Variants in DDX25 observed in about 807,000 individuals in gnomAD.
DDX25 encodes the protein ATP-dependent RNA helicase DDX25.
DDX25 carries 70 observed loss-of-function variants against 64.6 expected under a neutral mutation model. That is an observed-to-expected ratio of 1.08 (90% CI 0.89 to 1.32). DDX25 has a LOEUF of 1.32. Ranked by LOEUF, DDX25 falls within the 40% of genes most tolerant of loss-of-function variation. The pLI is 0.00. For missense variants in DDX25, 587 were observed against 604.4 expected (o/e 0.97, Z 0.30); for synonymous variants, 211 against 213.3 (o/e 0.99, Z 0.09).
At chr11:125,908,357 C>T (rs957108300) in intron 5 of DDX25, 44 bp from the exon 6 acceptor site, 2 of 1,613,132 alleles carry the variant, frequency 1.2e-6, no homozygotes, top group Admixed American at 3.3e-5. Context: ...TATGCCCACT[C>T]TCTTGTATTC....
chr11:125,918,745 GA>G lies in DDX25; in HGVS notation c.1157del (p.Asp386ValfsTer8). 1 of 1,608,516 alleles carries G rather than the reference GA, an allele frequency of 6.2e-7. No individual in the cohort carries two copies. The highest frequency in any genetic ancestry group is 1.6e-4 in the Middle Eastern group (1 of 6,062). ...AGCTTCCATCATTCAGAGGTTTCGG[GA>G]TGGGAAAGAGAAGGTTCTCATAACA... ...QRASIIQRFR[D>X]GKEKVLITTN... On this transcript the variant is annotated frameshift_variant, in exon 10 of 12. Transcript: ENST00000263576. LOFTEE classifies it high-confidence loss of function.
intron 4 of DDX25, among the ~76,000 whole-genome samples, chr11:125,907,363 C>T (rs1256914527): frequency 6.6e-6 from 1 of 152,170 alleles, no homozygotes; most frequent in Non-Finnish European, 1.5e-5. Context: ...AATCCCAGCA[C>T]TTTGGGAGGC....
At chr11:125,914,245 C>G (rs1392479413) in intron 8 of DDX25, among the ~76,000 whole-genome samples, 1 of 152,212 alleles carries the variant, frequency 6.6e-6, no homozygotes, top group Non-Finnish European at 1.5e-5. Context: ...ACGGACAGCT[C>G]TGTGTGCATG....
In DDX25 at chr11:125,905,592, A is replaced by T; in HGVS notation, c.170A>T (p.Asp57Val). ...AACATCAATGAAGATGATGAAGAAG[A>T]TGTAGGTAGGAGATGAATTCATTTG... is the stretch of plus-strand genomic sequence containing the variant. ...INNINEDDEE[D>V]VVDLAANSLL... Residue 57 changes from aspartate (D) to valine (V), a missense_variant, in exon 3 of 12, where the codon GAT becomes GTT. Physicochemically the swap from Asp to Val is radical, Grantham distance 152 (BLOSUM62 -3). Coordinates refer to ENST00000263576, the MANE Select transcript of DDX25 (RefSeq NM_013264.5). 6.4e-7 allele frequency: 1 copy of T among 1,551,646 alleles called. No individual in the cohort carries two copies. The highest frequency in any genetic ancestry group is 8.7e-7 in the Non-Finnish European group (1 of 1,146,796).
At chr11:125,911,544 ATTTGT>A in intron 8 of DDX25, 56 bp downstream of exon 8, 2 of 1,519,768 alleles carry the variant, frequency 1.3e-6, no homozygotes, top group Non-Finnish European at 1.8e-6. Flanking sequence ...GGGGAATTTC[ATTTGT>A]TTACTCCTCC....
At position 125,922,904 on chromosome 11, in the gene DDX25, C is replaced by A; in HGVS notation, c.*23C>A. 6.3e-7 allele frequency: 1 copy of A among 1,589,700 alleles called. No individual in the cohort carries two copies. Among genetic ancestry groups the A allele is most frequent in the South Asian group, 1.1e-5 (1 of 87,346 alleles). On this transcript the variant is annotated 3_prime_UTR_variant, in exon 12 of 12. Coordinates refer to ENST00000263576, the MANE Select transcript of DDX25 (RefSeq NM_013264.5). The stretch of plus-strand genomic sequence containing the variant: ...TGAAGAAAGAACTTTATTGTTTGTG[C>A]AGTATCCTAGTTTATGTGAGAATGT...
At chr11:125,905,668 G>T (rs1944873607) in intron 3 of DDX25, 71 bp downstream of exon 3, 6 of 1,426,856 alleles carry the variant, frequency 4.2e-6, no homozygotes, top group East Asian at 2.5e-5. Context: ...TAGTGTGAGT[G>T]AATAATATAA....
chr11:125,907,574 C>G (rs963877946), intron 4 of DDX25, among the ~76,000 whole-genome samples: 8 of 151,954 alleles, frequency 5.3e-5, no homozygotes, highest in East Asian at 1.9e-4. Flanking sequence ...CGCCACTGCA[C>G]TCCAGCCTGG....
intron 10 of DDX25, chr11:125,920,919 TACACACACACACACACACACACAC>T (rs3034729): frequency 3.8e-5 from 10 of 265,174 alleles, no homozygotes; most frequent in Non-Finnish European, 2.9e-5. Context: ...CACACACACA[TACACACACACACACACACACACAC>T]ACACACACAC....
Position 125,910,021 on chromosome 11 carries a change from G to A in DDX25, c.508-343G>A, listed in dbSNP as rs510215. On this transcript the variant is annotated intron_variant, in intron 6 of 11. Coordinates refer to ENST00000263576, the MANE Select transcript of DDX25 (RefSeq NM_013264.5). ...TAGAGCTCGAACTGTAATTTGCCTC[G>A]CATTCATTGATTCCCAGCTTCCCTA... Among the ~76,000 whole-genome samples the A allele has an allele frequency of 0.24, 36,830 of 151,854 alleles. 4,591 individuals carry two copies. The highest frequency in any genetic ancestry group is 0.33 in the East Asian group (1,696 of 5,142).
chr11:125,906,705 A>G (rs1191465104), intron 4 of DDX25, among the ~76,000 whole-genome samples: 2 of 151,296 alleles, frequency 1.3e-5, no homozygotes, highest in East Asian at 3.9e-4. Context: ...GCGCACCTGT[A>G]ATCCCAGCTA....
rs1420056444 is a variant in DDX25 at position 125,927,437 on chromosome 11, T to A, written c.*4556T>A. On this transcript the variant is annotated 3_prime_UTR_variant, in exon 12 of 12. Coordinates refer to ENST00000263576, the MANE Select transcript of DDX25 (RefSeq NM_013264.5). ...GAAGAACTGAAAGTTTTCATAAGTC[T>A]CTAGAGAAGCGTGGCAACTATCTGT... is the stretch of plus-strand genomic sequence containing the variant. 1 of 152,258 alleles carries A rather than the reference T, an allele frequency of 6.6e-6. No homozygotes were observed. The highest frequency in any genetic ancestry group is 1.5e-5 in the Non-Finnish European group (1 of 68,050). 9.4% of individuals were successfully genotyped at this position (152,258 alleles called of 1,614,324 possible). A position where few individuals can be genotyped will look rare whatever the true frequency, so the allele number is the denominator to read the frequency against.
Position 125,923,801 on chromosome 11 carries a change from G to A in DDX25, c.*920G>A, listed in dbSNP as rs557819830. ...CCCCCAGAAAGCCGGAGCGGATCTT[G>A]TAACCAGAGCGCCGGTACCAGCTCT... is the stretch of plus-strand genomic sequence containing the variant. On this transcript the variant is annotated 3_prime_UTR_variant, in exon 12 of 12. Coordinates refer to ENST00000263576, the MANE Select transcript of DDX25 (RefSeq NM_013264.5). The A allele has an allele frequency of 3.5e-4, 54 of 152,302 alleles. No homozygotes were observed. The highest frequency in any genetic ancestry group is 1.3e-3 in the African/African-American group (54 of 41,568). 9.4% of individuals were successfully genotyped at this position (152,302 alleles called of 1,614,324 possible).
At chr11:125,920,955 C>CA in intron 10 of DDX25, 8 of 504,932 alleles carry the variant, frequency 1.6e-5, no homozygotes, top group South Asian at 7.9e-5. Flanking sequence ...CACACACACG[C>CA]CTTGTGTATA....
Position 125,925,547 on chromosome 11 carries a change from GTAGA to G in DDX25, c.*2671_*2674del, listed in dbSNP as rs1945159382. On this transcript the variant is annotated 3_prime_UTR_variant, in exon 12 of 12. Transcript: ENST00000263576. The stretch of plus-strand genomic sequence containing the variant: ...CTCTCAGTGCCTGCCTGAGGACAGA[GTAGA>G]TAGAGAGGCAAGGAAACACCAGGTG... 2.3e-6 allele frequency: 1 copy of G among 440,158 alleles called. No homozygotes were observed. Among genetic ancestry groups the G allele is most frequent in the Non-Finnish European group, 4.7e-6 (1 of 214,372 alleles). 27.3% of individuals were successfully genotyped at this position (440,158 alleles called of 1,614,324 possible).
rs1945158320 is a variant in DDX25, at chr11:125,925,424, G to A, written c.*2543G>A. 2.2e-6 allele frequency: 1 copy of A among 456,168 alleles called. No individual in the cohort carries two copies. Among genetic ancestry groups the A allele is most frequent in the Non-Finnish European group, 4.4e-6 (1 of 226,978 alleles). The allele number at this position is 456,168 out of a possible 1,614,324, so 28.3% of individuals were successfully genotyped here. Reference sequence around the variant, plus strand: ...ATTAACACGAACTGGCTAGTTTGGTGAGTCAACAATCCAAAGGCTGTTTTT... The same window carrying A: ...ATTAACACGAACTGGCTAGTTTGGTAAGTCAACAATCCAAAGGCTGTTTTT... On this transcript the variant is annotated 3_prime_UTR_variant, in exon 12 of 12. Transcript: ENST00000263576.
Position 125,910,439 on chromosome 11 carries a change from G to A in DDX25, c.583G>A (p.Val195Met), listed in dbSNP as rs769737914. The part of the protein sequence containing the change: ...RVVEQMGKFC[V>M]DVQVMYAIRG... Reference sequence around the variant, plus strand: ...GGTTGAGCAGATGGGAAAATTCTGTGTGGATGTTCAAGTGATGTATGCCAT... The same window carrying A: ...GGTTGAGCAGATGGGAAAATTCTGTATGGATGTTCAAGTGATGTATGCCAT... Residue 195 changes from valine (V) to methionine (M), a missense_variant, in exon 7 of 12, where the codon GTG becomes ATG. Physicochemically the swap from Val to Met is conservative, Grantham distance 21. Coordinates refer to ENST00000263576, the MANE Select transcript of DDX25 (RefSeq NM_013264.5). 14 of 1,613,876 alleles carry A rather than the reference G, an allele frequency of 8.7e-6. No homozygotes were observed. Among genetic ancestry groups the A allele is most frequent in the Non-Finnish European group, 1.2e-5 (14 of 1,179,894 alleles).
Position 125,908,503 on chromosome 11 carries a change from G to T in DDX25, c.507G>T (p.Gln169His), listed in dbSNP as rs941423323. 6.2e-7 allele frequency: 1 copy of T among 1,612,988 alleles called. No individual in the cohort carries two copies. Among genetic ancestry groups the T allele is most frequent in the Non-Finnish European group, 8.5e-7 (1 of 1,179,862 alleles). ...SRVNALELFP[Q>H]CLCLAPTYEL... is the part of the protein sequence containing the mutation. ...TTAATGCCTTGGAATTGTTCCCACA[G>T]GTAAGGGAAGGCTGAGAGAAGACTG... The change falls in exon 6 of 12, where the codon CAG (glutamine) becomes CAT (histidine). Residue 169 changes from glutamine (Q) to histidine (H), a missense_variant and splice_region_variant. Coordinates refer to ENST00000263576, the MANE Select transcript of DDX25 (RefSeq NM_013264.5).
At position 125,925,710 on chromosome 11, in the gene DDX25, G is replaced by A; in HGVS notation, c.*2829G>A. 3.4e-6 allele frequency: 1 copy of A among 292,958 alleles called. No homozygotes were observed. The highest frequency in any genetic ancestry group is 6.9e-6 in the Non-Finnish European group (1 of 144,188). 18.1% of individuals were successfully genotyped at this position (292,958 alleles called of 1,614,324 possible). A position where few individuals can be genotyped will look rare whatever the true frequency, so the allele number is the denominator to read the frequency against. ...TGAAATTCATGATTACGTAGAGCAGGACTGTGATTTCCAGTGGGTAAGTGA... is the reference window on the plus strand; with the variant it reads ...TGAAATTCATGATTACGTAGAGCAGAACTGTGATTTCCAGTGGGTAAGTGA... On this transcript the variant is annotated 3_prime_UTR_variant, in exon 12 of 12. Coordinates refer to ENST00000263576, the MANE Select transcript of DDX25 (RefSeq NM_013264.5).
Sources: gnomAD v4.1 joint callset for allele counts (sites outside exome capture counted in the v4.1 genomes callset) on GRCh38, gnomAD v4.1.1 for gene constraint, MANE v1.5 for transcripts, NCBI Gene and HGNC (gene_info 2026-07-23, HGNC 2026-07-21) for gene names.